ATP6V1A: variants seen among roughly 807,000 people sequenced by gnomAD.
ATP6V1A encodes ATPase H+ transporting V1 subunit A.
In ATP6V1A, 18 loss-of-function variants were observed where a neutral mutation model predicts 70.1. That is an observed-to-expected ratio of 0.26 (90% CI 0.18 to 0.38). ATP6V1A has a LOEUF of 0.38. Ranked by LOEUF, ATP6V1A falls within the 10% of genes least tolerant of loss-of-function variation. The pLI, the probability that ATP6V1A is intolerant of heterozygous loss-of-function variation, is 1.00. For missense variants in ATP6V1A, 424 were observed against 772.4 expected (o/e 0.55, Z 5.35); for synonymous variants, 232 against 253.8 (o/e 0.91, Z 0.82).
At chr3:113,761,534 C>G (rs1473673588) in intron 1 of ATP6V1A, among the ~76,000 whole-genome samples, 1 of 151,880 alleles carries the variant, frequency 6.6e-6, no homozygotes, top group Non-Finnish European at 1.5e-5. Flanking sequence ...GTCGGGAGTT[C>G]AAGACCAGCC....
chr3:113,761,107 T>C (rs545016033), intron 1 of ATP6V1A, among the ~76,000 whole-genome samples: 136 of 151,724 alleles, frequency 9.0e-4, no homozygotes, highest in Middle Eastern at 3.4e-3. Flanking sequence ...CTTTTCTTTT[T>C]TTTTTTCTTT....
intron 1 of ATP6V1A, among the ~76,000 whole-genome samples, chr3:113,748,876 T>C (rs1309265129): frequency 1.3e-5 from 2 of 152,232 alleles, no homozygotes; most frequent in Admixed American, 1.3e-4. Flanking sequence ...TATGTAGTTT[T>C]ATCCATTAAT....
chr3:113,786,078 A>T, intron 5 of ATP6V1A, among the ~76,000 whole-genome samples, 154 bp from the exon 6 acceptor site: 3 of 151,106 alleles, frequency 2.0e-5, no homozygotes, highest in Middle Eastern at 6.9e-3. Context: ...AAAAGCTAAG[A>T]CTATATATAA....
chr3:113,756,929 T>C (rs770705230), intron 1 of ATP6V1A, among the ~76,000 whole-genome samples: 4 of 152,216 alleles, frequency 2.6e-5, no homozygotes, highest in Non-Finnish European at 4.4e-5. Flanking sequence ...TGATAATCCG[T>C]GAGTCCTAGT....
chr3:113,808,561 G>C (rs1423761747), intron 14 of ATP6V1A, among the ~76,000 whole-genome samples: 2 of 151,932 alleles, frequency 1.3e-5, no homozygotes, highest in Admixed American at 1.3e-4. Flanking sequence ...CAAAGTGCTG[G>C]GATTACAGGC....
Position 113,776,426 on chromosome 3 carries a change from T to C in ATP6V1A, c.-13-2315T>C, listed in dbSNP as rs184517661. On this transcript the variant is annotated intron_variant, in intron 1 of 14. Transcript: ENST00000273398. ...CCCTGTTCACTATATTTCATCCACA[T>C]TGGTGTACACTTCTGCAAGTTGGAA... Among the ~76,000 whole-genome samples the C allele has an allele frequency of 9.3e-4, 142 of 152,304 alleles. No individual in the cohort carries two copies. In the Middle Eastern group the frequency reaches 0.017, roughly 18 times the overall value.
intron 1 of ATP6V1A, among the ~76,000 whole-genome samples, chr3:113,754,577 T>C (rs1708626190): frequency 6.6e-6 from 1 of 151,602 alleles, no homozygotes; most frequent in Non-Finnish European, 1.5e-5. Context: ...TACCAAAAAA[T>C]GATAGGGACT....
intron 1 of ATP6V1A, among the ~76,000 whole-genome samples, chr3:113,775,836 C>G (rs184233153): frequency 1.3e-3 from 203 of 152,286 alleles, no homozygotes; most frequent in Non-Finnish European, 2.5e-3. Context: ...CTTTGATTTT[C>G]TGAAGATTGA....
At chr3:113,787,774 TATC>T (rs1431655027) in intron 6 of ATP6V1A, among the ~76,000 whole-genome samples, 2 of 152,206 alleles carry the variant, frequency 1.3e-5, no homozygotes, top group Non-Finnish European at 2.9e-5. Context: ...CAAAAACCGA[TATC>T]ATTATTTTTG....
chr3:113,771,380 T>A (rs1306480179), intron 1 of ATP6V1A, among the ~76,000 whole-genome samples: 2 of 152,050 alleles, frequency 1.3e-5, no homozygotes, highest in Non-Finnish European at 2.9e-5. Context: ...GTCTACCTGA[T>A]GAGTAATTTT....
At chr3:113,770,770 A>G (rs1287696042) in intron 1 of ATP6V1A, among the ~76,000 whole-genome samples, 2 of 152,046 alleles carry the variant, frequency 1.3e-5, no homozygotes, top group Non-Finnish European at 2.9e-5. Context: ...AAATCATATC[A>G]TAGTTTGGAC....
At chr3:113,799,957 C>T (rs147480881) in intron 12 of ATP6V1A, among the ~76,000 whole-genome samples, 8 of 152,236 alleles carry the variant, frequency 5.3e-5, no homozygotes, top group African/African-American at 1.4e-4. Flanking sequence ...CTCAGCCAGG[C>T]GTGGTGGCTC....
At chr3:113,795,060 T>A in intron 9 of ATP6V1A, 30 bp from the exon 10 acceptor site, 1 of 1,613,658 alleles carries the variant, frequency 6.2e-7, no homozygotes, top group Non-Finnish European at 8.5e-7. Flanking sequence ...GCTTAGAAAC[T>A]CTGTTTTAAA....
At chr3:113,801,742 G>A (rs1709214728) in intron 12 of ATP6V1A, among the ~76,000 whole-genome samples, 1 of 152,072 alleles carries the variant, frequency 6.6e-6, no homozygotes, top group Non-Finnish European at 1.5e-5. Context: ...ACAGCAGCAT[G>A]GGTGGATCAA....
intron 11 of ATP6V1A, among the ~76,000 whole-genome samples, chr3:113,797,789 T>C (rs932461538): frequency 6.6e-6 from 1 of 152,238 alleles, no homozygotes; most frequent in Admixed American, 6.5e-5. Flanking sequence ...TATTCTGTTT[T>C]AATTTTACTT....
intron 12 of ATP6V1A, chr3:113,803,282 CT>C (rs1418583650): frequency 4.5e-6 from 1 of 219,950 alleles, no homozygotes; most frequent in Admixed American, 5.7e-5. Flanking sequence ...AGGACAGTTA[CT>C]GTTTAATGGA....
chr3:113,756,895 C>A (rs1256162269), intron 1 of ATP6V1A, among the ~76,000 whole-genome samples: 1 of 152,084 alleles, frequency 6.6e-6, no homozygotes, highest in African/African-American at 2.4e-5. Flanking sequence ...ATAGCTGGGT[C>A]CTTTCTTGTG....
chr3:113,809,039 C>T (rs568659330), intron 14 of ATP6V1A, among the ~76,000 whole-genome samples: 24 of 151,958 alleles, frequency 1.6e-4, no homozygotes, highest in African/African-American at 5.3e-4. Context: ...CACTTGAGAT[C>T]AGGAGTTCAA....
intron 1 of ATP6V1A, among the ~76,000 whole-genome samples, chr3:113,753,445 T>C (rs7633832): frequency 0.34 from 52,093 of 151,976 alleles, 9,025 homozygotes; most frequent in East Asian, 0.36. Context: ...TGTAATCTTT[T>C]CCTTAGAAAT....
Sources: allele counts gnomAD v4.1 joint callset (sites outside exome capture counted in the v4.1 genomes callset), GRCh38; gene constraint gnomAD v4.1.1; transcripts MANE v1.5; gene names NCBI Gene and HGNC (gene_info 2026-07-23, HGNC 2026-07-21).